The following VTCN1 variants were observed in gnomAD, a reference collection of about 807,000 sequenced individuals.
VTCN1 encodes V-set domain containing T cell activation inhibitor 1, also known as V-set domain-containing T-cell activation inhibitor 1.
Under a neutral mutation model 26.5 loss-of-function variants are expected in VTCN1, and 26 were observed. The observed-to-expected ratio is 0.98, with a 90% CI of 0.72 to 1.36. VTCN1 has a LOEUF of 1.36. Ranked by LOEUF, VTCN1 falls within the 40% of genes most tolerant of loss-of-function variation. The probability of loss-of-function intolerance (pLI) is 0.00; values close to 1 mark genes in which losing one functional copy is unlikely to be tolerated. For synonymous variants in VTCN1, 116 were observed against 130.7 expected, an observed-to-expected ratio of 0.89 and a Z score of 0.77; for missense variants, 298 against 337.7, an observed-to-expected ratio of 0.88 and a Z score of 0.92.
rs1651594773 is a variant in VTCN1 at position 117,147,809 on chromosome 1, G to GTCAT, written c.725-31_725-28dup. 1 of 1,608,910 alleles carries GTCAT rather than the reference G, an allele frequency of 6.2e-7. No homozygotes were observed. Among genetic ancestry groups the GTCAT allele is most frequent in the Non-Finnish European group, 8.5e-7 (1 of 1,178,256 alleles). The stretch of plus-strand genomic sequence containing the variant: ...TGTGAAGTGAGAGAAAAAGTTTAGG[G>GTCAT]TCATACAGGAGAAGCTGGATGTCTT... On this transcript the variant is annotated intron_variant, in intron 4 of 5. Coordinates refer to ENST00000369458, the MANE Select transcript of VTCN1 (RefSeq NM_024626.4). The surrounding 1 kb of genome is among the most constrained non-coding windows in gnomAD (Gnocchi z 4.6).
intron 1 of VTCN1, among the ~76,000 whole-genome samples, chr1:117,179,055 A>C (rs1342291163): frequency 1.3e-5 from 2 of 152,178 alleles, no homozygotes; most frequent in Non-Finnish European, 2.9e-5. Flanking sequence ...GTTAGCTGAC[A>C]CTCATCCATG....
chr1:117,179,759 T>TA (rs1198686875), intron 1 of VTCN1, among the ~76,000 whole-genome samples: 2 of 152,212 alleles, frequency 1.3e-5, no homozygotes, highest in African/African-American at 4.8e-5. Context: ...AAACCTTTGT[T>TA]AATCATATAA....
chr1:117,186,142 T>C (rs1207743750), intron 1 of VTCN1, among the ~76,000 whole-genome samples: 1 of 152,198 alleles, frequency 6.6e-6, no homozygotes, highest in East Asian at 1.9e-4. Context: ...AAACTGGAAA[T>C]GTAGTTCAAC....
intron 1 of VTCN1, among the ~76,000 whole-genome samples, chr1:117,190,216 A>AC (rs1393295234): frequency 6.6e-6 from 1 of 152,226 alleles, no homozygotes; most frequent in Non-Finnish European, 1.5e-5. Context: ...GTCTGTGCCC[A>AC]CGAAGACAGA....
intron 1 of VTCN1, among the ~76,000 whole-genome samples, chr1:117,198,458 A>G (rs1179562695): frequency 1.3e-5 from 2 of 152,330 alleles, no homozygotes; most frequent in East Asian, 3.9e-4. Flanking sequence ...CCATTGTTTC[A>G]CTGTACTCTG....
chr1:117,205,727 A>C (rs1253029575), intron 1 of VTCN1, among the ~76,000 whole-genome samples: 4 of 152,246 alleles, frequency 2.6e-5, no homozygotes, highest in African/African-American at 9.6e-5. Flanking sequence ...GTAGGTATAG[A>C]GGACTAGGTA....
At chr1:117,208,868 A>G (rs1435476533) in intron 1 of VTCN1, among the ~76,000 whole-genome samples, 2 of 152,192 alleles carry the variant, frequency 1.3e-5, no homozygotes, top group Admixed American at 1.3e-4. Flanking sequence ...TCTGCAGAGG[A>G]TGGCAGGCCC....
rs1652364888 is a variant in VTCN1, at chr1:117,161,440, T to G, written c.98-4519A>C. 6.6e-6 allele frequency among the ~76,000 whole-genome samples: 1 copy of G among 152,212 alleles called. No homozygotes were observed. Among genetic ancestry groups the G allele is most frequent in the South Asian group, 2.1e-4 (1 of 4,836 alleles). ...AAAATTAGTAGATTCTCTCTTTACT[T>G]TCCTGTAACTTTTTGTCTTTTTGGC... On this transcript the variant is annotated intron_variant, in intron 2 of 5. Coordinates refer to ENST00000369458, the MANE Select transcript of VTCN1 (RefSeq NM_024626.4). The surrounding 1 kb of genome is among the most constrained non-coding windows in gnomAD (Gnocchi z 4.3).
intron 1 of VTCN1, among the ~76,000 whole-genome samples, chr1:117,181,326 A>G (rs192367095): frequency 5.4e-4 from 82 of 152,232 alleles, no homozygotes; most frequent in African/African-American, 1.8e-3. Flanking sequence ...CTGATTGCTT[A>G]TGAAAGTTCA....
chr1:117,200,320 G>A (rs1390640987), intron 1 of VTCN1, among the ~76,000 whole-genome samples: 1 of 152,132 alleles, frequency 6.6e-6, no homozygotes, highest in Non-Finnish European at 1.5e-5. Context: ...GGTTACTGGA[G>A]CCTGGGAGGT....
chr1:117,177,943 G>C (rs931921501), intron 1 of VTCN1, among the ~76,000 whole-genome samples: 3 of 148,886 alleles, frequency 2.0e-5, no homozygotes, highest in African/African-American at 7.4e-5. Flanking sequence ...TTTTTTGGCG[G>C]GGTAGGTTGG....
intron 1 of VTCN1, among the ~76,000 whole-genome samples, chr1:117,199,633 A>ATT (rs757979940): frequency 1.9e-4 from 26 of 134,780 alleles, no homozygotes; most frequent in South Asian, 7.1e-4. Context: ...GCCACAAGGA[A>ATT]TTTTTTTTTT....
rs1481016279 is a variant in VTCN1 at position 117,161,449 on chromosome 1, C to T, written c.98-4528G>A. Among the ~76,000 whole-genome samples, 1 of 152,166 alleles carries T rather than the reference C, an allele frequency of 6.6e-6. No individual in the cohort carries two copies. Among genetic ancestry groups the T allele is most frequent in the African/African-American group, 2.4e-5 (1 of 41,452 alleles). On this transcript the variant is annotated intron_variant, in intron 2 of 5. Transcript: ENST00000369458. This position sits in a 1 kb window ranked among gnomAD's most constrained non-coding sequence, Gnocchi z 4.3. The stretch of plus-strand genomic sequence containing the variant: ...AGATTCTCTCTTTACTTTCCTGTAA[C>T]TTTTTGTCTTTTTGGCCTTTATTAT...
intron 2 of VTCN1, among the ~76,000 whole-genome samples, chr1:117,163,589 A>G (rs2101492942): frequency 6.6e-6 from 1 of 152,336 alleles, no homozygotes; most frequent in East Asian, 1.9e-4. Context: ...AAGAATGACC[A>G]TTATACCCAT....
chr1:117,151,712 A>G (rs775234508), intron 4 of VTCN1, among the ~76,000 whole-genome samples: 57 of 152,084 alleles, frequency 3.7e-4, no homozygotes, highest in Non-Finnish European at 6.3e-4. Context: ...CGACCCACGA[A>G]GTCCGGCTGG....
intron 1 of VTCN1, among the ~76,000 whole-genome samples, chr1:117,191,027 C>A (rs1248032377): frequency 6.6e-6 from 1 of 151,974 alleles, no homozygotes; most frequent in Non-Finnish European, 1.5e-5. Context: ...AAACAAAAAT[C>A]AGAAAAACAG....
At chr1:117,178,851 G>C (rs1487912043) in intron 1 of VTCN1, among the ~76,000 whole-genome samples, 1 of 151,998 alleles carries the variant, frequency 6.6e-6, no homozygotes, top group Admixed American at 6.6e-5. Flanking sequence ...TTGGCCTCTA[G>C]AGTATTAGGA....
intron 1 of VTCN1, among the ~76,000 whole-genome samples, chr1:117,198,909 A>C (rs1012729794): frequency 3.3e-5 from 5 of 152,212 alleles, no homozygotes. Context: ...ACTGCTGTAG[A>C]AGGGGAAGAC....
rs148952967 is a variant in VTCN1 at position 117,154,602 on chromosome 1, G to A, written c.446-1233C>T. Among the ~76,000 whole-genome samples the A allele has an allele frequency of 5.0e-3, 764 of 152,104 alleles. 1 individual carries two copies. Among genetic ancestry groups the A allele is most frequent in the Non-Finnish European group, 8.8e-3 (601 of 67,976 alleles). On this transcript the variant is annotated intron_variant, in intron 3 of 5. Coordinates refer to ENST00000369458, the MANE Select transcript of VTCN1 (RefSeq NM_024626.4). Reference sequence around the variant, plus strand: ...AGCTTGAGACCAGCCTGACCAACATGAAGAAACCCAGTCTCTACTAAAAAT... The same window carrying A: ...AGCTTGAGACCAGCCTGACCAACATAAAGAAACCCAGTCTCTACTAAAAAT...
Sources: gnomAD v4.1 joint callset for allele counts (sites outside exome capture counted in the v4.1 genomes callset) on GRCh38, gnomAD v4.1.1 for gene constraint, Gnocchi (gnomAD v3.1) non-coding constraint, MANE v1.5 for transcripts, NCBI Gene and HGNC (gene_info 2026-07-23, HGNC 2026-07-21) for gene names.